The following PDE8B variants were observed in gnomAD, a reference collection of about 807,000 sequenced individuals.
PDE8B encodes the protein phosphodiesterase 8B, also known as high affinity cAMP-specific and IBMX-insensitive 3',5'-cyclic phosphodiesterase 8B.
Under a neutral mutation model 101.3 loss-of-function variants are expected in PDE8B, and 26 were observed. The observed-to-expected ratio is 0.26, with a 90% confidence interval of 0.19 to 0.36. PDE8B has a LOEUF of 0.36. Ranked by LOEUF, PDE8B falls within the 10% of genes least tolerant of loss-of-function variation. The pLI, the probability that PDE8B is intolerant of heterozygous loss-of-function variation, is 1.00. For synonymous variants in PDE8B, 424 were observed against 429.3 expected, an observed-to-expected ratio of 0.99 and a Z score of 0.15; for missense variants, 810 against 1,163.1, an observed-to-expected ratio of 0.70 and a Z score of 4.42.
chr5:77,134,443 A>G, the PDE8B span: 2 of 152,234 alleles, frequency 1.3e-5, no homozygotes, highest in South Asian at 4.1e-4. Flanking sequence ...TTGGTCCTCA[A>G]ATGAGGTGCA....
At chr5:77,426,205 A>C in intron 21 of PDE8B, 1 of 598,062 alleles carries the variant, frequency 1.7e-6, no homozygotes, top group Non-Finnish European at 3.0e-6. Context: ...GAAAGAATGC[A>C]AAATGTATTT....
At chr5:77,391,741 A>AG (rs1220421252) in intron 10 of PDE8B, among the ~76,000 whole-genome samples, 1 of 152,252 alleles carries the variant, frequency 6.6e-6, no homozygotes, top group African/African-American at 2.4e-5. Context: ...CGAGGGGCAG[A>AG]GGATACGCAA....
chr5:77,413,216 C>T lies in PDE8B; in HGVS notation c.1818C>T (p.Ala606=), dbSNP rs759234334. The change falls in exon 17 of 22, where the codon GCC becomes GCT. Residue 606 remains alanine, a synonymous_variant. Transcript: ENST00000264917. ...GGGCCTGGTTCCAAGTGATCGAAGC[C>T]AACTACCACTCTTCCAATGCCTACC... ...TLRAWFQVIE[A]NYHSSNAYHN... is the part of the protein sequence containing the mutation. 7 of 1,613,816 alleles carry T rather than the reference C, an allele frequency of 4.3e-6. No homozygotes were observed. The highest frequency in any genetic ancestry group is 5.9e-6 in the Non-Finnish European group (7 of 1,179,874).
chr5:77,405,527 A>G (rs1428616283), intron 12 of PDE8B, among the ~76,000 whole-genome samples: 2 of 152,180 alleles, frequency 1.3e-5, no homozygotes, highest in African/African-American at 4.8e-5. Context: ...TGGCAGTCCT[A>G]GTGGTGACAG....
chr5:77,132,644 A>G, the PDE8B span, among the ~76,000 whole-genome samples: 7 of 152,182 alleles, frequency 4.6e-5, no homozygotes, highest in African/African-American at 7.2e-5. Context: ...CCTCTGCTCC[A>G]GACTAGTCTT....
chr5:77,143,923 G>A, the PDE8B span: 1 of 146,954 alleles, frequency 6.8e-6, no homozygotes, highest in Non-Finnish European at 1.5e-5. Flanking sequence ...ACACAGCCCT[G>A]GTCTGCTTGA....
intron 1 of PDE8B, among the ~76,000 whole-genome samples, chr5:77,258,768 T>C (rs1201816545): frequency 6.6e-6 from 1 of 152,122 alleles, no homozygotes; most frequent in Admixed American, 6.5e-5. Flanking sequence ...TTCAGTTCAG[T>C]GCTCCTACGC....
chr5:77,147,893 A>T, the PDE8B span: 1 of 152,226 alleles, frequency 6.6e-6, no homozygotes, highest in African/African-American at 2.4e-5. Context: ...TGTCTCATGA[A>T]TATGAGCCAG....
chr5:77,177,256 T>C, the PDE8B span, among the ~76,000 whole-genome samples: 1 of 152,176 alleles, frequency 6.6e-6, no homozygotes, highest in Admixed American at 6.5e-5. Context: ...ACAAATACAG[T>C]ATCCCCCCCT....
At chr5:77,410,849 T>A (rs768466036) in intron 14 of PDE8B, 1 of 152,082 alleles carries the variant, frequency 6.6e-6, no homozygotes, top group African/African-American at 2.4e-5. Flanking sequence ...TTTAATTTTA[T>A]TATTATTATA....
At chr5:77,305,147 A>G (rs1477271843) in intron 1 of PDE8B, among the ~76,000 whole-genome samples, 1 of 152,206 alleles carries the variant, frequency 6.6e-6, no homozygotes, top group East Asian at 1.9e-4. Context: ...AAGGAGATAA[A>G]AAGTTGAAGA....
chr5:77,348,173 G>C (rs1780485949), intron 7 of PDE8B, among the ~76,000 whole-genome samples: 1 of 152,190 alleles, frequency 6.6e-6, no homozygotes, highest in African/African-American at 2.4e-5. Flanking sequence ...CATGACTGCT[G>C]CCATCACAGT....
intron 3 of PDE8B, 67 bp from the exon 4 acceptor site, chr5:77,328,931 G>T: frequency 8.4e-7 from 1 of 1,191,620 alleles, no homozygotes; most frequent in Middle Eastern, 1.9e-4. Context: ...GTGTGAAGAA[G>T]TTCCACATTC....
At chr5:77,207,772 A>G (rs1438826073), upstream of PDE8B, among the ~76,000 whole-genome samples, 2 of 152,238 alleles carry the variant, frequency 1.3e-5, no homozygotes, top group African/African-American at 4.8e-5. Flanking sequence ...TTCAGCAGCC[A>G]GATCTGTTCC....
the PDE8B span, among the ~76,000 whole-genome samples, chr5:77,129,879 C>T: frequency 2.0e-4 from 30 of 152,202 alleles, no homozygotes; most frequent in Non-Finnish European, 2.9e-4. Context: ...TTTTCCATCT[C>T]GGTTCTGGGA....
At chr5:77,151,190 A>C in the PDE8B span, 1 of 152,256 alleles carries the variant, frequency 6.6e-6, no homozygotes, top group African/African-American at 2.4e-5. Context: ...CTCCTGATTC[A>C]TTCATTCTGT....
At chr5:77,401,505 C>T (rs1251782145) in intron 11 of PDE8B, among the ~76,000 whole-genome samples, 2 of 152,246 alleles carry the variant, frequency 1.3e-5, no homozygotes, top group African/African-American at 4.8e-5. Flanking sequence ...TCTTTTTGAT[C>T]TTGGGCTACC....
At chr5:77,389,904 G>A (rs1789552928) in intron 10 of PDE8B, among the ~76,000 whole-genome samples, 1 of 152,162 alleles carries the variant, frequency 6.6e-6, no homozygotes, top group Non-Finnish European at 1.5e-5. Flanking sequence ...TCTTGGACAA[G>A]TTTTCTTGTG....
chr5:77,239,481 T>G (rs984609327), intron 1 of PDE8B, among the ~76,000 whole-genome samples: 1 of 152,228 alleles, frequency 6.6e-6, no homozygotes, highest in African/African-American at 2.4e-5. Flanking sequence ...AAGCACTTCC[T>G]TGTTTGCAAT....
Sources: allele counts gnomAD v4.1 joint callset (sites outside exome capture counted in the v4.1 genomes callset), GRCh38; gene constraint gnomAD v4.1.1; transcripts MANE v1.5; gene names NCBI Gene and HGNC (gene_info 2026-07-23, HGNC 2026-07-21).